The following PTPRD variants were observed in gnomAD, a reference collection of about 807,000 sequenced individuals.
The protein encoded by PTPRD is receptor-type tyrosine-protein phosphatase delta.
In PTPRD, 34 loss-of-function variants were observed where a neutral mutation model predicts 214.5. The ratio of observed to expected loss-of-function variants is 0.16; its 90% CI spans 0.12 to 0.21. The LOEUF (loss-of-function observed/expected upper bound fraction) is 0.21. Among genes scored for constraint, PTPRD ranks in the 10% least tolerant of loss-of-function variants. The probability of loss-of-function intolerance (pLI) is 1.00; values close to 1 mark genes in which losing one functional copy is unlikely to be tolerated. For synonymous variants in PTPRD, 1,128 were observed against 845.7 expected (o/e 1.33, Z -5.79); for missense variants, 2,545 against 2,398.7 (o/e 1.06, Z -1.27).
chr9:9,039,229 T>C (rs2099631653), intron 10 of PTPRD, among the ~76,000 whole-genome samples: 1 of 152,156 alleles, frequency 6.6e-6, no homozygotes, highest in Non-Finnish European at 1.5e-5. Flanking sequence ...TGAAGAGAAC[T>C]TGTCAATCAG....
intron 8 of PTPRD, among the ~76,000 whole-genome samples, chr9:9,513,140 CT>C (rs2096749677): frequency 6.6e-6 from 1 of 151,802 alleles, no homozygotes; most frequent in South Asian, 2.1e-4. Flanking sequence ...GATTTATTTC[CT>C]ATTAAACAGT....
intron 35 of PTPRD, among the ~76,000 whole-genome samples, chr9:8,432,773 C>T (rs2095138567): frequency 6.6e-6 from 1 of 152,178 alleles, no homozygotes; most frequent in Non-Finnish European, 1.5e-5. Context: ...TTAAACATCT[C>T]CTTCATGCCG....
At chr9:8,608,567 C>A (rs2095326490) in intron 14 of PTPRD, among the ~76,000 whole-genome samples, 1 of 151,864 alleles carries the variant, frequency 6.6e-6, no homozygotes, top group Non-Finnish European at 1.5e-5. Context: ...CTTCTTATGG[C>A]TTGACCCATC....
At chr9:9,931,902 C>T (rs1192047328) in intron 5 of PTPRD, among the ~76,000 whole-genome samples, 1 of 151,272 alleles carries the variant, frequency 6.6e-6, no homozygotes, top group African/African-American at 2.4e-5. Context: ...ACTGCCTCCT[C>T]AAGTGGGTCC....
In PTPRD at chr9:8,505,128, G is replaced by A. The variant is rs534575954; in HGVS notation, c.1678-723C>T. 6.6e-5 allele frequency among the ~76,000 whole-genome samples: 10 copies of A among 152,176 alleles called. No individual in the cohort carries two copies. The South Asian group carries it at 1.5e-3, about 22-fold the overall frequency. ...TTGTGGACTTTTGATATACGATTTC[G>A]TTAATCAAATGCTATAACTCTCACC... On this transcript the variant is annotated intron_variant, in intron 22 of 45. Coordinates refer to ENST00000381196, the MANE Select transcript of PTPRD (RefSeq NM_002839.4).
chr9:9,346,517 T>C (rs982105954), intron 9 of PTPRD, among the ~76,000 whole-genome samples: 4 of 152,142 alleles, frequency 2.6e-5, no homozygotes, highest in African/African-American at 9.6e-5. Flanking sequence ...TTTCCAAAAA[T>C]TTGAAAAGAT....
At chr9:9,854,286 T>C (rs2061116094) in intron 5 of PTPRD, among the ~76,000 whole-genome samples, 1 of 152,192 alleles carries the variant, frequency 6.6e-6, no homozygotes, top group Non-Finnish European at 1.5e-5. Context: ...CCCATGGTCA[T>C]ATAGGGAACA....
chr9:9,922,052 G>A (rs2082700251), intron 5 of PTPRD, among the ~76,000 whole-genome samples: 1 of 152,042 alleles, frequency 6.6e-6, no homozygotes, highest in Non-Finnish European at 1.5e-5. Flanking sequence ...GATTCATATA[G>A]CAGGGCTGAG....
chr9:10,023,786 C>A lies in PTPRD; in HGVS notation c.-472+9932G>T, dbSNP rs76752261. Among the ~76,000 whole-genome samples, 1,421 of 151,494 alleles carry A rather than the reference C, an allele frequency of 9.4e-3. 18 individuals carry two copies. Among genetic ancestry groups the A allele is most frequent in the African/African-American group, 0.026 (1,095 of 41,326 alleles). On this transcript the variant is annotated intron_variant, in intron 4 of 45. Transcript: ENST00000381196. ...AAAAAAAAAGCTTTGGGAAAAAAAA[C>A]TTCATTTAATAAAGGTTTAATAAAG...
intron 2 of PTPRD, among the ~76,000 whole-genome samples, chr9:10,462,622 A>C (rs1410387711): frequency 6.6e-6 from 1 of 152,096 alleles, no homozygotes; most frequent in Non-Finnish European, 1.5e-5. Context: ...TAAGAGTAAG[A>C]GATGTGCCTA....
chr9:8,541,648 T>A (rs1170067001), intron 14 of PTPRD, among the ~76,000 whole-genome samples: 2 of 152,184 alleles, frequency 1.3e-5, no homozygotes, highest in South Asian at 2.1e-4. Context: ...ATTACCAGCA[T>A]GCGTCACTGC....
At chr9:9,868,966 G>C (rs1221631403) in intron 5 of PTPRD, among the ~76,000 whole-genome samples, 1 of 152,012 alleles carries the variant, frequency 6.6e-6, no homozygotes, top group Non-Finnish European at 1.5e-5. Context: ...AATATACAAG[G>C]ATTCAGGGAC....
intron 33 of PTPRD, among the ~76,000 whole-genome samples, chr9:8,459,688 G>A (rs1294146655): frequency 6.6e-6 from 1 of 151,990 alleles, no homozygotes; most frequent in Admixed American, 6.6e-5. Flanking sequence ...AAAAATGTGG[G>A]TAGACACAGA....
intron 11 of PTPRD, among the ~76,000 whole-genome samples, chr9:8,765,795 A>G (rs2094692110): frequency 6.6e-6 from 1 of 152,232 alleles, no homozygotes; most frequent in Admixed American, 6.5e-5. Flanking sequence ...AGAATAAGCT[A>G]CAGTGGGTCA....
At chr9:8,952,320 A>C (rs766005337) in intron 11 of PTPRD, among the ~76,000 whole-genome samples, 1 of 152,154 alleles carries the variant, frequency 6.6e-6, no homozygotes, top group Admixed American at 6.6e-5. Context: ...AAAATTCAGC[A>C]TATTAATATA....
chr9:10,452,350 T>G (rs2098847132), intron 2 of PTPRD, among the ~76,000 whole-genome samples: 1 of 151,836 alleles, frequency 6.6e-6, no homozygotes, highest in Non-Finnish European at 1.5e-5. Flanking sequence ...TAAGAGTGAT[T>G]GATGGATTTT....
intron 11 of PTPRD, among the ~76,000 whole-genome samples, chr9:8,872,093 C>T (rs2098311045): frequency 6.6e-6 from 1 of 152,162 alleles, no homozygotes; most frequent in South Asian, 2.1e-4. Flanking sequence ...CTTATAGCTC[C>T]AACAAAAACT....
intron 7 of PTPRD, among the ~76,000 whole-genome samples, chr9:9,612,645 T>C (rs1325655003): frequency 3.3e-5 from 5 of 151,654 alleles, no homozygotes; most frequent in Admixed American, 6.6e-5. Flanking sequence ...TATCCTAAGA[T>C]AGTAATTATT....
intron 8 of PTPRD, among the ~76,000 whole-genome samples, chr9:9,561,781 T>G (rs2083025102): frequency 6.6e-6 from 1 of 152,224 alleles, no homozygotes; most frequent in Non-Finnish European, 1.5e-5. Context: ...CATCACATAC[T>G]TTTCTTTCTC....
Sources: allele counts gnomAD v4.1 joint callset (sites outside exome capture counted in the v4.1 genomes callset), GRCh38; gene constraint gnomAD v4.1.1; transcripts MANE v1.5; gene names NCBI Gene and HGNC (gene_info 2026-07-23, HGNC 2026-07-21).